DDX24: variants seen among roughly 807,000 people sequenced by gnomAD.
DDX24 encodes DEAD-box helicase 24, also known as ATP-dependent RNA helicase DDX24.
DDX24 carries 24 observed loss-of-function variants against 68.9 expected under a neutral mutation model. That is an observed-to-expected ratio of 0.35 (90% confidence interval 0.25 to 0.49). The LOEUF (loss-of-function observed/expected upper bound fraction) is 0.49. Among genes scored for constraint, DDX24 ranks in the 20% least tolerant of loss-of-function variants. The probability of loss-of-function intolerance (pLI) is 0.99; values close to 1 mark genes in which losing one functional copy is unlikely to be tolerated. For missense variants in DDX24, 989 were observed against 1,039.0 expected (o/e 0.95, Z 0.66); for synonymous variants, 395 against 385.2 (o/e 1.03, Z -0.30).
intron 2 of DDX24, among the ~76,000 whole-genome samples, chr14:94,078,592 C>A (rs1314155868): frequency 6.6e-6 from 1 of 152,218 alleles, no homozygotes; most frequent in East Asian, 1.9e-4. Flanking sequence ...GAGAATTAGA[C>A]AGTTCTTCCC....
chr14:94,079,143 G>A lies in DDX24; in HGVS notation c.600C>T (p.Pro200=). The A allele has an allele frequency of 6.2e-7, 1 of 1,614,184 alleles. No homozygotes were observed. Among genetic ancestry groups the A allele is most frequent in the Non-Finnish European group, 8.5e-7 (1 of 1,180,040 alleles). ...AGCTGAGTGCTCGGAGAACCGGCCT[G>A]GGAACAAACAGGTCCTTCCAAGCTG... is the stretch of plus-strand genomic sequence containing the variant. ...DVSAWKDLFV[P]RPVLRALSFL... Residue 200 remains proline, a synonymous_variant, in exon 2 of 9, where the codon CCC becomes CCT. Transcript: ENST00000621632.
chr14:94,062,322 C>T lies in DDX24; in HGVS notation c.1018G>A (p.Gly340Arg). The T allele has an allele frequency of 1.2e-6, 2 of 1,614,226 alleles. No homozygotes were observed. Among genetic ancestry groups the T allele is most frequent in the Non-Finnish European group, 1.7e-6 (2 of 1,180,046 alleles). Residue 340 changes from glycine to arginine, a missense_variant, in exon 3 of 9, where the codon GGG becomes AGG. Gly to Arg is a moderately radical substitution (Grantham distance 125). Around this residue, in one of 3 missense-constraint regions of DDX24, gnomAD observed 691 missense variants for 760.0 expected, o/e 0.91. Coordinates refer to ENST00000621632, the MANE Select transcript of DDX24 (RefSeq NM_020414.4). Reference sequence around the variant, plus strand: ...TTCTCCCTGATCAGGGAAGAAGGCCCTTCACCAGCATCATCGTCACCAAAG... The same window carrying T: ...TTCTCCCTGATCAGGGAAGAAGGCCTTTCACCAGCATCATCGTCACCAAAG... ...LLFGDDDAGE[G>R]PSSLIREKPV...
At chr14:94,065,008 A>G (rs1885671104) in intron 2 of DDX24, among the ~76,000 whole-genome samples, 1 of 152,152 alleles carries the variant, frequency 6.6e-6, no homozygotes, top group Non-Finnish European at 1.5e-5. Context: ...TGAGTGTGGG[A>G]AAAACCCACA....
Position 94,068,479 on chromosome 14 carries a change from C to T in DDX24, c.719-5858G>A, listed in dbSNP as rs193225971. ...TCAAGACAGAAAGTCAACAAGGAAA[C>T]AATCGATTTAAACTATACCTTGGAA... On this transcript the variant is annotated intron_variant, in intron 2 of 8. Transcript: ENST00000621632. Among the ~76,000 whole-genome samples the T allele has an allele frequency of 2.1e-3, 322 of 152,214 alleles. 1 individual carries two copies. Among genetic ancestry groups the T allele is most frequent in the Non-Finnish European group, 4.0e-3 (275 of 67,988 alleles).
chr14:94,060,640 T>A, intron 4 of DDX24, 27 bp from the exon 5 acceptor site: 13 of 1,604,866 alleles, frequency 8.1e-6, no homozygotes, highest in Non-Finnish European at 1.1e-5. Flanking sequence ...ACCCATATCA[T>A]TGGTCAGCAG....
chr14:94,051,051 C>G lies in DDX24; in HGVS notation c.*140G>C. 1 of 1,003,000 alleles carries G rather than the reference C, an allele frequency of 1.0e-6. No individual in the cohort carries two copies. The highest frequency in any genetic ancestry group is 1.4e-6 in the Non-Finnish European group (1 of 708,776). 62.1% of individuals were successfully genotyped at this position (1,003,000 alleles called of 1,614,324 possible). A position where few individuals can be genotyped will look rare whatever the true frequency, so the allele number is the denominator to read the frequency against. Reference sequence around the variant, plus strand: ...AACAATGCAAATCTGCATGAGGTCTCTCCCGCTATGGGTGTGAGTGGAAGA... The same window carrying G: ...AACAATGCAAATCTGCATGAGGTCTGTCCCGCTATGGGTGTGAGTGGAAGA... On this transcript the variant is annotated 3_prime_UTR_variant, in exon 9 of 9. Coordinates refer to ENST00000621632, the MANE Select transcript of DDX24 (RefSeq NM_020414.4).
chr14:94,057,041 G>A (rs949382286), intron 6 of DDX24: 2 of 152,136 alleles, frequency 1.3e-5, no homozygotes, highest in South Asian at 2.1e-4. Context: ...CTGTGCTACC[G>A]GCTTCATCAG....
intron 2 of DDX24, among the ~76,000 whole-genome samples, chr14:94,072,466 G>A (rs1234350431): frequency 1.3e-5 from 2 of 152,150 alleles, no homozygotes; most frequent in Admixed American, 6.5e-5. Flanking sequence ...ATGAAAGAGG[G>A]GCAAGGGATG....
At chr14:94,053,218 G>A (rs983630060) in intron 7 of DDX24, 91 bp from the exon 8 acceptor site, 4 of 1,564,038 alleles carry the variant, frequency 2.6e-6, no homozygotes, top group Non-Finnish European at 3.5e-6. Context: ...GTGTGTTTAA[G>A]GCAGGTATCA....
chr14:94,062,171 C>A lies in DDX24; in HGVS notation c.1169G>T (p.Gly390Val), dbSNP rs760289255. The A allele has an allele frequency of 1.2e-6, 2 of 1,614,094 alleles. No individual in the cohort carries two copies. The highest frequency in any genetic ancestry group is 1.7e-5 in the Admixed American group (1 of 60,010). Residue 390 changes from glycine to valine, a missense_variant, in exon 3 of 9, where the codon GGA becomes GTA. By Grantham distance (109) the Gly-to-Val change is moderately radical. Around this residue, in one of 3 missense-constraint regions of DDX24, gnomAD observed 691 missense variants for 760.0 expected, o/e 0.91. Transcript: ENST00000621632. ...CKAYPKRPLL[G>V]LVLTPTRELA... ...CTCTCGAGTGGGAGTCAGAACCAGT[C>A]CAAGCAGAGGACGCTTTGGATATGC...
At chr14:94,065,384 G>GACACACACACAC (rs58390384) in intron 2 of DDX24, among the ~76,000 whole-genome samples, 2,158 of 147,250 alleles carry the variant, frequency 0.015, 50 homozygotes, top group African/African-American at 0.046. Context: ...CTCTCTCTCT[G>GACACACACACAC]ACACACACAC....
intron 3 of DDX24, among the ~76,000 whole-genome samples, chr14:94,061,824 T>C (rs1227154070): frequency 6.6e-6 from 1 of 152,160 alleles, no homozygotes; most frequent in Non-Finnish European, 1.5e-5. Flanking sequence ...CCGGCAAAAC[T>C]TTATTTATAA....
At chr14:94,053,353 A>ATT in intron 7 of DDX24, 1 of 216,654 alleles carries the variant, frequency 4.6e-6, no homozygotes, top group Non-Finnish European at 8.3e-6. Context: ...ATGCCTAGGT[A>ATT]ATTTCTTTTT....
intron 3 of DDX24, among the ~76,000 whole-genome samples, 156 bp from the exon 4 acceptor site, chr14:94,061,222 G>A (rs953610521): frequency 6.6e-6 from 1 of 152,072 alleles, no homozygotes; most frequent in South Asian, 2.1e-4. Context: ...GACTGTTGAC[G>A]CCACTCCTAG....
In DDX24 at chr14:94,051,276, C is replaced by G. The variant is rs548073406; in HGVS notation, c.2495G>C (p.Cys832Ser). Reference protein sequence around the residue: ...APSKSESALSCLSKQKKKKTK... With the variant: ...APSKSESALSSLSKQKKKKTK... ...CTTCTTCTTCTTCTGCTTGGAGAGACAGCTCAAAGCAGACTCGCTCTTACT... is the reference window on the plus strand; with the variant it reads ...CTTCTTCTTCTTCTGCTTGGAGAGAGAGCTCAAAGCAGACTCGCTCTTACT... The change falls in exon 9 of 9, where the codon TGT (cysteine) becomes TCT (serine). Residue 832 changes from cysteine (C) to serine (S), a missense_variant. Physicochemically the swap from Cys to Ser is moderately radical, Grantham distance 112. Coordinates refer to ENST00000621632, the MANE Select transcript of DDX24 (RefSeq NM_020414.4). The G allele has an allele frequency of 3.1e-6, 5 of 1,608,826 alleles. No homozygotes were observed. The East Asian group carries it at 8.9e-5, about 29-fold the overall frequency.
intron 5 of DDX24, 122 bp downstream of exon 5, chr14:94,059,976 C>T (rs1885560707): frequency 3.3e-6 from 4 of 1,200,100 alleles, no homozygotes; most frequent in Non-Finnish European, 4.6e-6. Context: ...AAAAGGCTAC[C>T]TACTACTGAG....
intron 5 of DDX24, among the ~76,000 whole-genome samples, chr14:94,058,934 T>C (rs1053793315): frequency 1.3e-5 from 2 of 152,058 alleles, no homozygotes; most frequent in African/African-American, 4.8e-5. Flanking sequence ...CAGTAAAACG[T>C]CTACTAAAAA....
At position 94,081,162 on chromosome 14, in the gene DDX24, A is replaced by C. The variant is rs957328953; in HGVS notation, c.-49T>G. 1 of 152,270 alleles carries C rather than the reference A, an allele frequency of 6.6e-6. No individual in the cohort carries two copies. The allele number at this position is 152,270 out of a possible 1,614,324, so 9.4% of individuals were successfully genotyped here. On this transcript the variant is annotated 5_prime_UTR_variant, in exon 1 of 9. Transcript: ENST00000621632. The stretch of plus-strand genomic sequence containing the variant: ...CAGCTCCGTCAGTCGCGAGTGAAGA[A>C]CCTCAGAAACCGCCGCTGTACCTCA...
chr14:94,061,573 T>A (rs559511875), intron 3 of DDX24, among the ~76,000 whole-genome samples: 31 of 152,328 alleles, frequency 2.0e-4, no homozygotes, highest in Middle Eastern at 3.4e-3. Flanking sequence ...TAATTGCTGC[T>A]TTCATTATAA....
Sources: allele counts gnomAD v4.1 joint callset (sites outside exome capture counted in the v4.1 genomes callset), GRCh38; gene constraint gnomAD v4.1.1; regional missense constraint gnomAD v4.1.1; transcripts MANE v1.5; gene names NCBI Gene and HGNC (gene_info 2026-07-23, HGNC 2026-07-21).